ERLEC1: variants seen among roughly 807,000 people sequenced by gnomAD.
The protein encoded by ERLEC1 is ER lectin.
A neutral mutation model predicts 68.0 loss-of-function variants in ERLEC1; 47 were observed. The ratio of observed to expected loss-of-function variants is 0.69; its 90% CI spans 0.55 to 0.88. The LOEUF is 0.88. Ranked by LOEUF, ERLEC1 falls within the 40% of genes least tolerant of loss-of-function variation. ERLEC1 has a pLI of 0.00. For missense variants in ERLEC1, 567 were observed against 583.8 expected, an observed-to-expected ratio of 0.97 and a Z score of 0.30; for synonymous variants, 225 against 203.2, an observed-to-expected ratio of 1.11 and a Z score of -0.91.
rs1393144416 is a variant in ERLEC1, at chr2:53,794,373, A to G, written c.191A>G (p.Asp64Gly). Reference protein sequence around the residue: ...LPTTGVLYKEDNYVIMTTAHK... With the variant: ...LPTTGVLYKEGNYVIMTTAHK... ...ACAACTGGAGTTTTATATAAAGAAG[A>G]TAATTATGTCATCATGACAACTGCA... Residue 64 changes from aspartate (D) to glycine (G), a missense_variant, in exon 2 of 14, where the codon GAT becomes GGT. By Grantham distance (94) the Asp-to-Gly change is moderately conservative. Coordinates refer to ENST00000185150, the MANE Select transcript of ERLEC1 (RefSeq NM_015701.5). 4 of 1,574,406 alleles carry G rather than the reference A, an allele frequency of 2.5e-6. No homozygotes were observed. In the South Asian group the frequency reaches 4.6e-5, roughly 18 times the overall value.
chr2:53,816,271 T>C (rs1216288834), intron 13 of ERLEC1, among the ~76,000 whole-genome samples: 2 of 149,926 alleles, frequency 1.3e-5, no homozygotes, highest in East Asian at 3.9e-4. Context: ...GTTGGTTTTT[T>C]TTTTTTTTTT....
At position 53,815,809 on chromosome 2, in the gene ERLEC1, A is replaced by T. The variant is rs563796936; in HGVS notation, c.1380+874A>T. 9.1e-4 allele frequency among the ~76,000 whole-genome samples: 139 copies of T among 152,284 alleles called. 1 individual carries two copies. Among genetic ancestry groups the T allele is most frequent in the African/African-American group, 3.3e-3 (139 of 41,554 alleles). On this transcript the variant is annotated intron_variant, in intron 13 of 13. Coordinates refer to ENST00000185150, the MANE Select transcript of ERLEC1 (RefSeq NM_015701.5). ...TATGATACTTTGTTACATCCATAGA[A>T]TATGTAGTGATCCAGTCAGGGTATT...
intron 8 of ERLEC1, among the ~76,000 whole-genome samples, chr2:53,806,056 A>C (rs1452164686): frequency 1.3e-5 from 2 of 152,218 alleles, no homozygotes; most frequent in Non-Finnish European, 2.9e-5. Flanking sequence ...ATGTACATTT[A>C]GCATATGGTT....
intron 1 of ERLEC1, among the ~76,000 whole-genome samples, chr2:53,788,913 T>C (rs1675231870): frequency 6.6e-6 from 1 of 152,146 alleles, no homozygotes; most frequent in Admixed American, 6.5e-5. Context: ...ATTAAAATTT[T>C]TTACTCTTGG....
chr2:53,803,432 A>T (rs1230627701), intron 8 of ERLEC1, among the ~76,000 whole-genome samples: 6 of 152,100 alleles, frequency 3.9e-5, no homozygotes, highest in African/African-American at 1.2e-4. Flanking sequence ...AGCTTTCGTT[A>T]CTCTTCAAGG....
chr2:53,808,430 G>A lies in ERLEC1; in HGVS notation c.1011G>A (p.Glu337=), dbSNP rs781712286. 128 of 1,613,792 alleles carry A rather than the reference G, an allele frequency of 7.9e-5. No individual in the cohort carries two copies. Among genetic ancestry groups the A allele is most frequent in the Non-Finnish European group, 1.0e-4 (120 of 1,180,000 alleles). The part of the protein sequence containing the change: ...SKLTDDQLIK[E]FLSGSYCFRG... ...TGACAGATGACCAACTCATAAAAGAGTTTCTTAGTGGTTCTTACTGCTTTC... is the reference window on the plus strand; with the variant it reads ...TGACAGATGACCAACTCATAAAAGAATTTCTTAGTGGTTCTTACTGCTTTC... The change falls in exon 9 of 14, where the codon GAG becomes GAA. Residue 337 remains glutamate, a synonymous_variant. Transcript: ENST00000185150.
At chr2:53,808,594 T>G in intron 9 of ERLEC1, 134 bp downstream of exon 9, 1 of 863,414 alleles carries the variant, frequency 1.2e-6, no homozygotes, top group Non-Finnish European at 1.8e-6. Context: ...CAAAGAACAT[T>G]TTCTTTTTGC....
chr2:53,797,713 A>G lies in ERLEC1; in HGVS notation c.427-19A>G. 1 of 1,601,868 alleles carries G rather than the reference A, an allele frequency of 6.2e-7. No individual in the cohort carries two copies. The highest frequency in any genetic ancestry group is 8.5e-7 in the Non-Finnish European group (1 of 1,171,288). On this transcript the variant is annotated intron_variant, in intron 4 of 13. Transcript: ENST00000185150. Reference sequence around the variant, plus strand: ...TTTGCAAAATACTTAGTATATTTTTATTTTACTTTTCAATGTAGAAAATAA... The same window carrying G: ...TTTGCAAAATACTTAGTATATTTTTGTTTTACTTTTCAATGTAGAAAATAA...
chr2:53,813,623 C>T (rs1676706751), intron 11 of ERLEC1, among the ~76,000 whole-genome samples: 2 of 152,152 alleles, frequency 1.3e-5, no homozygotes, highest in South Asian at 4.1e-4. Flanking sequence ...AATAACTACG[C>T]ATTAGCTTTT....
chr2:53,794,193 A>G, intron 1 of ERLEC1, 152 bp from the exon 2 acceptor site: 1 of 498,774 alleles, frequency 2.0e-6, no homozygotes, highest in Non-Finnish European at 3.6e-6. Context: ...ATTTTTGTTA[A>G]TGTTTGTAGC....
At position 53,813,088 on chromosome 2, in the gene ERLEC1, T is replaced by C. The variant is rs2104337161; in HGVS notation, c.1226+15T>C. On this transcript the variant is annotated intron_variant, in intron 11 of 13. Transcript: ENST00000185150. ...CAGACAGTCAGGTAAAGATTCACTT[T>C]ACTTGCCTTTGGAGCTAATTACTAC... The C allele has an allele frequency of 1.9e-6, 3 of 1,601,858 alleles. No homozygotes were observed. Among genetic ancestry groups the C allele is most frequent in the East Asian group, 2.2e-5 (1 of 44,664 alleles).
At position 53,799,032 on chromosome 2, in the gene ERLEC1, CTTA is replaced by C; in HGVS notation, c.491-9_491-7del. The C allele has an allele frequency of 2.5e-6, 4 of 1,611,486 alleles. No homozygotes were observed. The highest frequency in any genetic ancestry group is 4.5e-5 in the East Asian group (2 of 44,712). On this transcript the variant is annotated splice_polypyrimidine_tract_variant and intron_variant, in intron 5 of 13. Transcript: ENST00000185150. ...GTCACTGCTCATTCTTTACACTTAC[CTTA>C]TTATTCCACAGAACGAGAAGCAGAA...
At chr2:53,817,207 C>T (rs1676945047) in intron 13 of ERLEC1, among the ~76,000 whole-genome samples, 2 of 151,642 alleles carry the variant, frequency 1.3e-5, no homozygotes, top group East Asian at 1.9e-4. Context: ...AATCTTGGCT[C>T]ATTGCAACCT....
At chr2:53,816,953 C>T (rs1676928354) in intron 13 of ERLEC1, among the ~76,000 whole-genome samples, 2 of 152,246 alleles carry the variant, frequency 1.3e-5, no homozygotes, top group South Asian at 2.1e-4. Context: ...TCCAGAATCT[C>T]AGACACTGCT....
rs765308150 is a variant in ERLEC1, at chr2:53,813,048, C to T, written c.1201C>T (p.Gln401Ter). The T allele has an allele frequency of 6.2e-7, 1 of 1,612,510 alleles. No homozygotes were observed. Among genetic ancestry groups the T allele is most frequent in the African/African-American group, 1.3e-5 (1 of 74,980 alleles). ...KKNTARAYHL[Q>*]DDGTQTVRMV... ...GAATACTGCTAGAGCTTATCATCTT[C>T]AAGACGATGGTACCCAGACAGTCAG... The change falls in exon 11 of 14, where the codon CAA becomes TAA. Residue 401 changes from glutamine (Q) to a stop codon, truncating the protein, a stop_gained. Coordinates refer to ENST00000185150, the MANE Select transcript of ERLEC1 (RefSeq NM_015701.5). LOFTEE classifies it high-confidence loss of function.
At position 53,808,476 on chromosome 2, in the gene ERLEC1, T is replaced by G; in HGVS notation, c.1041+16T>G. The G allele has an allele frequency of 6.2e-7, 1 of 1,611,340 alleles. No individual in the cohort carries two copies. Among genetic ancestry groups the G allele is most frequent in the South Asian group, 1.1e-5 (1 of 90,752 alleles). On this transcript the variant is annotated intron_variant, in intron 9 of 13. Transcript: ENST00000185150. ...CTTTCGTGGGGTGAGAAGTAAATCT[T>G]CAGTTTAAATATTTATTTTACAACT...
chr2:53,809,704 G>C (rs1298347905), intron 10 of ERLEC1, among the ~76,000 whole-genome samples: 1 of 152,096 alleles, frequency 6.6e-6, no homozygotes, highest in Non-Finnish European at 1.5e-5. Context: ...AGTGAGCCAA[G>C]ATCACAACAC....
At chr2:53,813,887 C>A (rs573072642) in intron 11 of ERLEC1, among the ~76,000 whole-genome samples, 81 of 152,164 alleles carry the variant, frequency 5.3e-4, no homozygotes, top group Non-Finnish European at 9.9e-4. Context: ...GTGCTGCACC[C>A]ATTAACTCAT....
At position 53,787,077 on chromosome 2, in the gene ERLEC1, C is replaced by T; in HGVS notation, c.-134C>T. ...CGTTGCCGGGCTCTCCGGAAGGAGA[C>T]GTGGCGGCGGTTGGGCCGGTGATAC... On this transcript the variant is annotated 5_prime_UTR_variant, in exon 1 of 14. In the 5' UTR this introduces an upstream ATG that the reference lacks. Coordinates refer to ENST00000185150, the MANE Select transcript of ERLEC1 (RefSeq NM_015701.5). The T allele has an allele frequency of 8.1e-7, 1 of 1,237,308 alleles. No homozygotes were observed. The highest frequency in any genetic ancestry group is 1.1e-6 in the Non-Finnish European group (1 of 932,470). The allele number at this position is 1,237,308 out of a possible 1,614,324, so 76.6% of individuals were successfully genotyped here. A position where few individuals can be genotyped will look rare whatever the true frequency, so the allele number is the denominator to read the frequency against.
Sources: gnomAD v4.1 joint callset for allele counts (sites outside exome capture counted in the v4.1 genomes callset) on GRCh38, gnomAD v4.1.1 for gene constraint, MANE v1.5 for transcripts, NCBI Gene and HGNC (gene_info 2026-07-23, HGNC 2026-07-21) for gene names.